The following FNIP1 variants were observed in gnomAD, a reference collection of about 807,000 sequenced individuals.
FNIP1 encodes folliculin interacting protein 1.
A neutral mutation model predicts 124.5 loss-of-function variants in FNIP1; 40 were observed. That is an observed-to-expected ratio of 0.32 (90% CI 0.25 to 0.42). The LOEUF (loss-of-function observed/expected upper bound fraction) is 0.42. Among genes scored for constraint, FNIP1 ranks in the 10% least tolerant of loss-of-function variants. The probability of loss-of-function intolerance (pLI) is 1.00; values close to 1 mark genes in which losing one functional copy is unlikely to be tolerated. For missense variants in FNIP1, 1,176 were observed against 1,403.7 expected (o/e 0.84, Z 2.59); for synonymous variants, 472 against 470.6 (o/e 1.00, Z -0.04).
At chr5:131,716,052 T>A (rs886081397) in intron 6 of FNIP1, among the ~76,000 whole-genome samples, 4 of 152,174 alleles carry the variant, frequency 2.6e-5, no homozygotes, top group Admixed American at 2.6e-4. Context: ...GGTACTTAAA[T>A]AACAACAATC....
intron 1 of FNIP1, among the ~76,000 whole-genome samples, chr5:131,747,970 A>G (rs746485255): frequency 1.3e-5 from 2 of 152,006 alleles, no homozygotes; most frequent in Non-Finnish European, 2.9e-5. Context: ...ACTAGGATGG[A>G]AAGAAAGGAG....
chr5:131,738,248 T>C (rs1770381424), intron 2 of FNIP1, among the ~76,000 whole-genome samples: 1 of 152,190 alleles, frequency 6.6e-6, no homozygotes, highest in African/African-American at 2.4e-5. Context: ...ACGTGTCATA[T>C]CAATTTGTAT....
chr5:131,674,948 G>A (rs1767870428), intron 13 of FNIP1, among the ~76,000 whole-genome samples: 1 of 152,156 alleles, frequency 6.6e-6, no homozygotes, highest in South Asian at 2.1e-4. Context: ...CCATGCCACT[G>A]TTCTAAACTA....
chr5:131,739,939 A>T (rs1414125145), intron 2 of FNIP1, among the ~76,000 whole-genome samples: 1 of 151,840 alleles, frequency 6.6e-6, no homozygotes, highest in Non-Finnish European at 1.5e-5. Flanking sequence ...AATCATTGCT[A>T]ATTTTTTTCC....
intron 2 of FNIP1, among the ~76,000 whole-genome samples, chr5:131,741,341 A>G (rs1382593724): frequency 1.3e-5 from 2 of 152,194 alleles, no homozygotes; most frequent in African/African-American, 4.8e-5. Context: ...CTGATTAACA[A>G]TTTTATTTCA....
At chr5:131,751,393 A>C (rs1166843453) in intron 1 of FNIP1, among the ~76,000 whole-genome samples, 2 of 152,038 alleles carry the variant, frequency 1.3e-5, no homozygotes, top group African/African-American at 4.8e-5. Context: ...TTGTCTTGTA[A>C]TTTATCTGTT....
intron 8 of FNIP1, 83 bp downstream of exon 8, chr5:131,709,118 T>G (rs1769208516): frequency 3.6e-6 from 4 of 1,100,796 alleles, no homozygotes; most frequent in Non-Finnish European, 5.5e-6. Flanking sequence ...ATGAACAAAT[T>G]TGATAATAAA....
intron 2 of FNIP1, among the ~76,000 whole-genome samples, chr5:131,733,468 T>C (rs536398904): frequency 2.6e-5 from 4 of 152,342 alleles, no homozygotes; most frequent in Admixed American, 2.0e-4. Context: ...TGTGGGTCTG[T>C]CATATATAGC....
chr5:131,678,259 T>C (rs183143479), intron 12 of FNIP1, among the ~76,000 whole-genome samples: 1 of 152,346 alleles, frequency 6.6e-6, no homozygotes, highest in Admixed American at 6.5e-5. Context: ...AGGCAAAGTA[T>C]TAAGCAAACT....
At chr5:131,745,034 A>T (rs1033542189) in intron 1 of FNIP1, among the ~76,000 whole-genome samples, 1 of 152,002 alleles carries the variant, frequency 6.6e-6, no homozygotes, top group Non-Finnish European at 1.5e-5. Flanking sequence ...GACCAAGATG[A>T]CATAATAAGG....
At chr5:131,748,387 A>T (rs1378406153) in intron 1 of FNIP1, among the ~76,000 whole-genome samples, 3 of 152,124 alleles carry the variant, frequency 2.0e-5, no homozygotes, top group Non-Finnish European at 1.5e-5. Context: ...AAAATACGCA[A>T]TACTTGATAA....
chr5:131,686,707 A>C (rs1768285388), intron 11 of FNIP1, among the ~76,000 whole-genome samples: 1 of 152,158 alleles, frequency 6.6e-6, no homozygotes, highest in Non-Finnish European at 1.5e-5. Context: ...TTTAAAATGT[A>C]CAACTAAATT....
chr5:131,646,013 T>G (rs1021246166), intron 17 of FNIP1, among the ~76,000 whole-genome samples: 30 of 152,180 alleles, frequency 2.0e-4, no homozygotes, highest in Non-Finnish European at 3.1e-4. Flanking sequence ...CAAAATGCAC[T>G]GTGAATTTTG....
At chr5:131,791,740 C>T (rs1489205494) in intron 1 of FNIP1, among the ~76,000 whole-genome samples, 1 of 152,096 alleles carries the variant, frequency 6.6e-6, no homozygotes, top group Non-Finnish European at 1.5e-5. Context: ...CTGATTCAAA[C>T]AAAACTACCA....
intron 1 of FNIP1, among the ~76,000 whole-genome samples, chr5:131,773,791 T>C (rs1332080113): frequency 2.0e-5 from 3 of 152,192 alleles, no homozygotes; most frequent in Non-Finnish European, 4.4e-5. Flanking sequence ...TTTAAGTGTT[T>C]CTAAACATTT....
chr5:131,700,330 T>A (rs75410509), intron 10 of FNIP1, among the ~76,000 whole-genome samples: 4,040 of 152,186 alleles, frequency 0.027, 189 homozygotes, highest in African/African-American at 0.092. Flanking sequence ...AAAGCCTTAA[T>A]CTAGGTAGGC....
intron 1 of FNIP1, among the ~76,000 whole-genome samples, chr5:131,780,593 A>C (rs112648199): frequency 7.4e-4 from 113 of 152,234 alleles, no homozygotes; most frequent in African/African-American, 2.5e-3. Context: ...AATTCTAAAA[A>C]TATTTCAAAC....
rs1034430733 is a variant in FNIP1 at position 131,777,456 on chromosome 5, G to A, written c.92+19374C>T. Among the ~76,000 whole-genome samples the A allele has an allele frequency of 5.3e-5, 8 of 151,556 alleles. No homozygotes were observed. In the East Asian group the frequency reaches 1.2e-3, roughly 22 times the overall value. On this transcript the variant is annotated intron_variant, in intron 1 of 17. Coordinates refer to ENST00000510461, the MANE Select transcript of FNIP1 (RefSeq NM_133372.3). ...ATGCTTGGAATAACACACGGTGCCC[G>A]AAAAAAACTACTAAGGTAATGTGAG...
chr5:131,705,857 A>G (rs1769090457), intron 9 of FNIP1, among the ~76,000 whole-genome samples: 1 of 152,230 alleles, frequency 6.6e-6, no homozygotes, highest in Non-Finnish European at 1.5e-5. Context: ...GTGTCCATCA[A>G]TAGACAAATG....
Sources: gnomAD v4.1 joint callset for allele counts (sites outside exome capture counted in the v4.1 genomes callset) on GRCh38, gnomAD v4.1.1 for gene constraint, MANE v1.5 for transcripts, NCBI Gene and HGNC (gene_info 2026-07-23, HGNC 2026-07-21) for gene names.